ZNF541: variants seen among roughly 807,000 people sequenced by gnomAD.
The protein encoded by ZNF541 is zinc finger protein 541.
ZNF541 carries 23 observed loss-of-function variants against 123.5 expected under a neutral mutation model. The observed-to-expected ratio is 0.19, with a 90% CI of 0.13 to 0.26. The LOEUF is 0.26. Ranked by LOEUF, ZNF541 falls within the 10% of genes least tolerant of loss-of-function variation. The pLI, the probability that ZNF541 is intolerant of heterozygous loss-of-function variation, is 1.00. For missense variants in ZNF541, 1,612 were observed against 1,789.9 expected (o/e 0.90, Z 1.79); for synonymous variants, 751 against 754.5 (o/e 1.00, Z 0.08).
chr19:47,571,606 T>C (rs145306187), intron 2 of ZNF541, among the ~76,000 whole-genome samples: 1 of 152,328 alleles, frequency 6.6e-6, no homozygotes, highest in Non-Finnish European at 1.5e-5. Context: ...TCCCTTTACC[T>C]GTGCCTTACC....
chr19:47,538,047 G>T, intron 9 of ZNF541, 95 bp downstream of exon 9: 1 of 1,400,124 alleles, frequency 7.1e-7, no homozygotes, highest in Non-Finnish European at 9.7e-7. Context: ...CCAGGCAGGA[G>T]ACAATCACTG....
intron 14 of ZNF541, among the ~76,000 whole-genome samples, chr19:47,523,973 G>A (rs2122855539): frequency 6.6e-6 from 1 of 152,318 alleles, no homozygotes; most frequent in South Asian, 2.1e-4. Flanking sequence ...CCAAAAGGAT[G>A]AGAGGGGAAA....
At chr19:47,555,227 G>A (rs1421070221) in intron 3 of ZNF541, among the ~76,000 whole-genome samples, 1 of 151,848 alleles carries the variant, frequency 6.6e-6, no homozygotes, top group African/African-American at 2.4e-5. Context: ...AAAATTAGCC[G>A]GGCGTGGTGG....
chr19:47,571,859 A>G (rs73557430), intron 2 of ZNF541, among the ~76,000 whole-genome samples, 37 bp downstream of exon 2: 3,511 of 152,292 alleles, frequency 0.023, 132 homozygotes, highest in African/African-American at 0.079. Flanking sequence ...CCAACAAAGC[A>G]GGTGTCTTTG....
rs375905291 is a variant in ZNF541, at chr19:47,528,984, G to A, written c.3536C>T (p.Ala1179Val). The change falls in exon 14 of 17, where the codon GCC becomes GTC. Residue 1179 changes from alanine to valine, a missense_variant. This residue lies in a region of ZNF541 where 285 missense variants were observed against 407.3 expected (regional missense o/e 0.70). Coordinates refer to ENST00000391901, the MANE Select transcript of ZNF541 (RefSeq NM_001277075.3). Reference sequence around the variant, plus strand: ...TATCAAGTAGAAGTCCTTCTTGTGGGCATAGAACGCCTTCTTAAAAAGCCT... The same window carrying A: ...TATCAAGTAGAAGTCCTTCTTGTGGACATAGAACGCCTTCTTAAAAAGCCT... ...EKRLFKKAFYAHKKDFYLIHK... is the reference protein window; with the variant it reads ...EKRLFKKAFYVHKKDFYLIHK... The A allele has an allele frequency of 2.3e-4, 361 of 1,551,538 alleles. No individual in the cohort carries two copies. The highest frequency in any genetic ancestry group is 8.2e-4 in the Admixed American group (42 of 50,988).
Position 47,521,095 on chromosome 19 carries a change from T to C in ZNF541, c.*129A>G. ...TCTGTGGCCAAATGCCCTCCATGTT[T>C]GCAGGCAGGTTGGCCAACAGGGGAC... On this transcript the variant is annotated 3_prime_UTR_variant, in exon 17 of 17. Coordinates refer to ENST00000391901, the MANE Select transcript of ZNF541 (RefSeq NM_001277075.3). The surrounding 1 kb of genome is among the most constrained non-coding windows in gnomAD (Gnocchi z 4.2). 8.3e-7 allele frequency: 1 copy of C among 1,201,256 alleles called. No individual in the cohort carries two copies. Among genetic ancestry groups the C allele is most frequent in the Non-Finnish European group, 1.1e-6 (1 of 876,892 alleles). 74.4% of individuals were successfully genotyped at this position (1,201,256 alleles called of 1,614,324 possible). A position where few individuals can be genotyped will look rare whatever the true frequency, so the allele number is the denominator to read the frequency against.
At chr19:47,573,278 C>T (rs904850807), upstream of ZNF541, among the ~76,000 whole-genome samples, 10 of 151,902 alleles carry the variant, frequency 6.6e-5, no homozygotes, top group African/African-American at 2.2e-4. Context: ...CTCGCGCGTG[C>T]CTCCTGGCCG....
At chr19:47,542,092 G>C (rs1473276959) in intron 5 of ZNF541, among the ~76,000 whole-genome samples, 1 of 152,138 alleles carries the variant, frequency 6.6e-6, no homozygotes, top group Non-Finnish European at 1.5e-5. Flanking sequence ...CCACGGATGA[G>C]CCTGGAAAAC....
In ZNF541 at chr19:47,538,383, C is replaced by A; in HGVS notation, c.2853G>T (p.Lys951Asn). Residue 951 changes from lysine (K) to asparagine (N), a missense_variant, in exon 9 of 17, where the codon AAG becomes AAT. Physicochemically the swap from Lys to Asn is moderately conservative, Grantham distance 94 (BLOSUM62 0). Around this residue, in one of 5 missense-constraint regions of ZNF541, gnomAD observed 1,080 missense variants for 1,013.8 expected, o/e 1.07. Coordinates refer to ENST00000391901, the MANE Select transcript of ZNF541 (RefSeq NM_001277075.3). ...TGGAGGGTGGGGGCCGCTTCTTCCG[C>A]TTTCTCTGCTGGCTGCTCTCCTTGC... The part of the protein sequence containing the change: ...RDSKESSQQR[K>N]RKKRPPPSTA... 1 of 1,544,106 alleles carries A rather than the reference C, an allele frequency of 6.5e-7. No homozygotes were observed. Among genetic ancestry groups the A allele is most frequent in the Non-Finnish European group, 8.7e-7 (1 of 1,143,084 alleles).
Position 47,559,367 on chromosome 19 carries a change from A to G in ZNF541, c.-98-3413T>C, listed in dbSNP as rs552481513. Among the ~76,000 whole-genome samples the G allele has an allele frequency of 6.0e-5, 9 of 150,594 alleles. No individual in the cohort carries two copies. The East Asian group carries it at 1.6e-3, about 27-fold the overall frequency. ...AGCCTGGGCAACAGAGTGAAACTCT[A>G]TCTCAAAAAAAAGAAAGAAAGAAAA... On this transcript the variant is annotated intron_variant, in intron 2 of 16. Coordinates refer to ENST00000391901, the MANE Select transcript of ZNF541 (RefSeq NM_001277075.3).
At chr19:47,556,111 C>A (rs1346429346) in intron 2 of ZNF541, among the ~76,000 whole-genome samples, 157 bp from the exon 3 acceptor site, 2 of 152,176 alleles carry the variant, frequency 1.3e-5, no homozygotes, top group Non-Finnish European at 2.9e-5. Flanking sequence ...TCCACGAGCC[C>A]CAGGTGCCTC....
chr19:47,550,731 CTAAG>C (rs765874932), intron 3 of ZNF541, among the ~76,000 whole-genome samples: 3 of 152,184 alleles, frequency 2.0e-5, no homozygotes, highest in Non-Finnish European at 4.4e-5. Flanking sequence ...ATTGCAGTCT[CTAAG>C]TCCTGGGCTC....
intron 5 of ZNF541, 114 bp from the exon 6 acceptor site, chr19:47,541,065 G>T: frequency 1.0e-6 from 1 of 968,178 alleles, no homozygotes; most frequent in Non-Finnish European, 1.5e-6. Flanking sequence ...CCTTGGATTA[G>T]ACAGTGGTTT....
chr19:47,555,913 T>C lies in ZNF541; in HGVS notation c.-57A>G. The C allele has an allele frequency of 3.4e-6, 5 of 1,473,724 alleles. No individual in the cohort carries two copies. In the East Asian group the frequency reaches 7.5e-5, roughly 22 times the overall value. 91.3% of individuals were successfully genotyped at this position (1,473,724 alleles called of 1,614,324 possible). ...TACTCTCCAGATAAGCAAAACCATG[T>C]AAGGAGACAGGGAGGAGAGAGCCCT... On this transcript the variant is annotated 5_prime_UTR_variant, in exon 3 of 17. Transcript: ENST00000391901.
rs778730884 is a variant in ZNF541, at chr19:47,553,836, G to A, written c.307+1714C>T. On this transcript the variant is annotated intron_variant, in intron 3 of 16. Transcript: ENST00000391901. ...ATTATAGGCATGAGCCACCATGTCC[G>A]GCCAGAGCTATAAAATTGTTTAATG... 4.6e-5 allele frequency among the ~76,000 whole-genome samples: 7 copies of A among 152,254 alleles called. No individual in the cohort carries two copies. In the East Asian group the frequency reaches 5.8e-4, roughly 13 times the overall value.
chr19:47,541,750 C>T (rs1970089955), intron 5 of ZNF541, among the ~76,000 whole-genome samples: 1 of 152,142 alleles, frequency 6.6e-6, no homozygotes, highest in Non-Finnish European at 1.5e-5. Flanking sequence ...AAACAAACCA[C>T]GGACAATAAC....
chr19:47,547,040 G>T (rs970350118), intron 4 of ZNF541, among the ~76,000 whole-genome samples: 3 of 152,136 alleles, frequency 2.0e-5, no homozygotes, highest in African/African-American at 7.2e-5. Context: ...AAATGTAAAA[G>T]CCACACAGAG....
chr19:47,532,351 C>T lies in ZNF541; in HGVS notation c.3159-81G>A, dbSNP rs139122163. On this transcript the variant is annotated intron_variant, in intron 10 of 16. Transcript: ENST00000391901. ...AGTGAAATGGAGACGCTCTGTATGC[C>T]CTGCTCTTGGGCCACAGCCTGCTCC... is the stretch of plus-strand genomic sequence containing the variant. 3.1e-4 allele frequency: 463 copies of T among 1,487,106 alleles called. No homozygotes were observed. The African/African-American group carries it at 5.5e-3, about 18-fold the overall frequency. 92.1% of individuals were successfully genotyped at this position (1,487,106 alleles called of 1,614,324 possible). A position where few individuals can be genotyped will look rare whatever the true frequency, so the allele number is the denominator to read the frequency against.
chr19:47,558,567 T>C (rs1970925795), intron 2 of ZNF541, among the ~76,000 whole-genome samples: 1 of 152,024 alleles, frequency 6.6e-6, no homozygotes, highest in African/African-American at 2.4e-5. Context: ...AGATACAAAT[T>C]ACCAAAACTT....
Sources: allele counts gnomAD v4.1 joint callset (sites outside exome capture counted in the v4.1 genomes callset), GRCh38; gene constraint gnomAD v4.1.1; regional missense constraint gnomAD v4.1.1; non-coding constraint Gnocchi (gnomAD v3.1); transcripts MANE v1.5; gene names NCBI Gene and HGNC (gene_info 2026-07-23, HGNC 2026-07-21).